XYLT1: variants seen among roughly 807,000 people sequenced by gnomAD.
The protein encoded by XYLT1 is xylosyltransferase 1.
In XYLT1, 36 loss-of-function variants were observed where a neutral mutation model predicts 91.3. That is an observed-to-expected ratio of 0.39 (90% CI 0.30 to 0.52). The LOEUF is 0.52. Among genes scored for constraint, XYLT1 ranks in the 20% least tolerant of loss-of-function variants. XYLT1 has a pLI of 0.68. For missense variants in XYLT1, 1,242 were observed against 1,284.5 expected (o/e 0.97, Z 0.51); for synonymous variants, 588 against 532.0 (o/e 1.11, Z -1.45).
intron 1 of XYLT1, among the ~76,000 whole-genome samples, chr16:17,381,615 C>T (rs1293273945): frequency 2.0e-5 from 3 of 151,776 alleles, no homozygotes; most frequent in South Asian, 2.1e-4. Context: ...TTAATAGAGA[C>T]GGGGTTTCAC....
intron 1 of XYLT1, among the ~76,000 whole-genome samples, chr16:17,430,236 A>C (rs2141931206): frequency 6.6e-6 from 1 of 152,184 alleles, no homozygotes; most frequent in South Asian, 2.1e-4. Flanking sequence ...AGCATCCCTA[A>C]CCCAATCATC....
Position 17,117,648 on chromosome 16 carries a change from G to C in XYLT1, c.2555C>G (p.Pro852Arg), listed in dbSNP as rs147284278. The C allele has an allele frequency of 5.2e-4, 841 of 1,611,268 alleles. 1 individual carries two copies. The highest frequency in any genetic ancestry group is 6.7e-4 in the Non-Finnish European group (793 of 1,177,784). ...LTFSNRQPIK[P>R]EEALKLHNGP... ...ACATAGACACTGGGAGTACTTACCA[G>C]GTTTGATGGGCTGCCTGTTCGAGAA... Residue 852 changes from proline to arginine, a missense_variant and splice_region_variant, in exon 11 of 12, where the codon CCT (proline) becomes CGT (arginine). Around this residue, in one of 3 missense-constraint regions of XYLT1, gnomAD observed 511 missense variants for 497.0 expected, o/e 1.03. Transcript: ENST00000261381.
chr16:17,336,951 A>T (rs1395191121), intron 2 of XYLT1, among the ~76,000 whole-genome samples: 1 of 152,242 alleles, frequency 6.6e-6, no homozygotes, highest in Non-Finnish European at 1.5e-5. Context: ...AAAGAAAGGC[A>T]TATATTCTGC....
chr16:17,279,824 G>C (rs1164290498), intron 2 of XYLT1, among the ~76,000 whole-genome samples: 1 of 152,174 alleles, frequency 6.6e-6, no homozygotes, highest in African/African-American at 2.4e-5. Context: ...ACAGGACCCT[G>C]CAAGTCCTCA....
intron 3 of XYLT1, among the ~76,000 whole-genome samples, chr16:17,241,570 T>G (rs2033346204): frequency 6.6e-6 from 1 of 152,142 alleles, no homozygotes; most frequent in Non-Finnish European, 1.5e-5. Context: ...ATTTCAGTTT[T>G]GCAAAACGAA....
At chr16:17,151,254 C>T (rs1461505800) in intron 6 of XYLT1, among the ~76,000 whole-genome samples, 6 of 152,060 alleles carry the variant, frequency 3.9e-5, no homozygotes, top group African/African-American at 1.2e-4. Context: ...GGCGAAACCC[C>T]ATCTCTACTG....
At chr16:17,117,310 T>A (rs1256444370) in intron 11 of XYLT1, among the ~76,000 whole-genome samples, 1 of 152,252 alleles carries the variant, frequency 6.6e-6, no homozygotes, top group Non-Finnish European at 1.5e-5. Context: ...TTTGATTTTT[T>A]TAAAATAGTA....
chr16:17,182,490 C>A (rs1425163811), intron 5 of XYLT1, among the ~76,000 whole-genome samples: 1 of 152,156 alleles, frequency 6.6e-6, no homozygotes, highest in Non-Finnish European at 1.5e-5. Context: ...TAGGCCCTAT[C>A]TCCAAGTACA....
At chr16:17,171,647 G>GTCAGTTC (rs2031822461) in intron 5 of XYLT1, among the ~76,000 whole-genome samples, 1 of 152,202 alleles carries the variant, frequency 6.6e-6, no homozygotes, top group Non-Finnish European at 1.5e-5. Context: ...CAGTTCCTAG[G>GTCAGTTC]CAAAGAAAAC....
chr16:17,207,826 G>C (rs2032683270), intron 3 of XYLT1, among the ~76,000 whole-genome samples: 1 of 152,220 alleles, frequency 6.6e-6, no homozygotes, highest in African/African-American at 2.4e-5. Flanking sequence ...TGAACTGGGG[G>C]TCATGGGGTC....
intron 2 of XYLT1, among the ~76,000 whole-genome samples, chr16:17,281,952 T>A (rs1466236631): frequency 6.6e-6 from 1 of 152,148 alleles, no homozygotes; most frequent in Non-Finnish European, 1.5e-5. Context: ...CTCCCTTCTC[T>A]CTCAGTCTCC....
At chr16:17,460,258 G>C (rs1387500499) in intron 1 of XYLT1, among the ~76,000 whole-genome samples, 1 of 152,190 alleles carries the variant, frequency 6.6e-6, no homozygotes, top group African/African-American at 2.4e-5. Context: ...GGGAAACACA[G>C]AGTGAGGGGC....
intron 6 of XYLT1, among the ~76,000 whole-genome samples, chr16:17,155,708 A>G (rs941528885): frequency 6.6e-6 from 1 of 152,176 alleles, no homozygotes; most frequent in African/African-American, 2.4e-5. Context: ...TAAATGAGAA[A>G]ATCCCAGCTG....
intron 10 of XYLT1, among the ~76,000 whole-genome samples, chr16:17,121,681 A>G (rs1597133162): frequency 6.6e-6 from 1 of 152,126 alleles, no homozygotes; most frequent in African/African-American, 2.4e-5. Flanking sequence ...TGGTGCACCC[A>G]TCACTTGAAC....
intron 3 of XYLT1, among the ~76,000 whole-genome samples, chr16:17,249,104 C>A (rs949835973): frequency 6.6e-6 from 1 of 152,164 alleles, no homozygotes; most frequent in Non-Finnish European, 1.5e-5. Flanking sequence ...GACGGGGATT[C>A]TATCTGCTTT....
intron 1 of XYLT1, among the ~76,000 whole-genome samples, chr16:17,414,295 T>C (rs1476836633): frequency 6.6e-6 from 1 of 152,208 alleles, no homozygotes; most frequent in Non-Finnish European, 1.5e-5. Flanking sequence ...CCAGACACCT[T>C]TATTTACTTA....
At chr16:17,148,446 T>G (rs190884982) in intron 6 of XYLT1, among the ~76,000 whole-genome samples, 35 of 152,364 alleles carry the variant, frequency 2.3e-4, no homozygotes, top group Non-Finnish European at 4.1e-4. Context: ...TGCCTATTTT[T>G]GTTCACTGCT....
At chr16:17,440,129 G>A (rs1207187123) in intron 1 of XYLT1, among the ~76,000 whole-genome samples, 1 of 152,178 alleles carries the variant, frequency 6.6e-6, no homozygotes, top group African/African-American at 2.4e-5. Flanking sequence ...GGAAGGAACT[G>A]GGGCCCTTGG....
At chr16:17,162,345 G>A (rs963659168) in intron 5 of XYLT1, among the ~76,000 whole-genome samples, 1 of 150,590 alleles carries the variant, frequency 6.6e-6, no homozygotes, top group African/African-American at 2.4e-5. Context: ...GGGAAGTGGA[G>A]GTTGCAGTGA....
Sources: gnomAD v4.1 joint callset for allele counts (sites outside exome capture counted in the v4.1 genomes callset) on GRCh38, gnomAD v4.1.1 for gene constraint, gnomAD v4.1.1 regional missense constraint, MANE v1.5 for transcripts, NCBI Gene and HGNC (gene_info 2026-07-23, HGNC 2026-07-21) for gene names.